USP34: variants seen among roughly 807,000 people sequenced by gnomAD.
USP34 encodes ubiquitin specific peptidase 34.
In USP34, 70 loss-of-function variants were observed where a neutral mutation model predicts 460.3. That is an observed-to-expected ratio of 0.15 (90% CI 0.13 to 0.19). The LOEUF (loss-of-function observed/expected upper bound fraction) is 0.19. Among genes scored for constraint, USP34 ranks in the 10% least tolerant of loss-of-function variants. USP34 has a pLI of 1.00. For missense variants in USP34, 3,985 were observed against 4,236.2 expected (o/e 0.94, Z 1.65); for synonymous variants, 1,647 against 1,405.3 (o/e 1.17, Z -3.85).
At chr2:61,304,496 G>A (rs949026890) in intron 27 of USP34, among the ~76,000 whole-genome samples, 1 of 152,184 alleles carries the variant, frequency 6.6e-6, no homozygotes, top group African/African-American at 2.4e-5. Context: ...TTGGAGGTGG[G>A]ACCTTTTGGA....
intron 1 of USP34, among the ~76,000 whole-genome samples, chr2:61,454,531 G>T (rs190189579): frequency 4.6e-5 from 7 of 152,008 alleles, no homozygotes. Flanking sequence ...TAAACAACAG[G>T]TCCCTGGTGA....
intron 1 of USP34, among the ~76,000 whole-genome samples, chr2:61,422,562 G>T (rs956962246): frequency 2.0e-5 from 3 of 152,148 alleles, no homozygotes; most frequent in African/African-American, 7.2e-5. Flanking sequence ...CTAAGATTAG[G>T]ACCAAGATAA....
At chr2:61,210,148 G>GACT (rs1558467719) in intron 69 of USP34, among the ~76,000 whole-genome samples, 1 of 152,064 alleles carries the variant, frequency 6.6e-6, no homozygotes, top group Non-Finnish European at 1.5e-5. Context: ...TGTAGCTTAA[G>GACT]TGTACAGTGT....
chr2:61,257,284 G>A lies in USP34; in HGVS notation c.5911C>T (p.Leu1971=), dbSNP rs780037418. The part of the protein sequence containing the change: ...CKTYTMDKQP[L]NTGEQKDMTE... The stretch of plus-strand genomic sequence containing the variant: ...ATATCTTTCTGTTCCCCAGTATTCA[G>A]AGGCTGCTTATCCATGGTGTATGTT... The change falls in exon 45 of 80, where the codon CTG becomes TTG. Residue 1971 remains leucine (L), a synonymous_variant. Transcript: ENST00000398571. The A allele has an allele frequency of 6.2e-7, 1 of 1,613,276 alleles. No individual in the cohort carries two copies. The highest frequency in any genetic ancestry group is 1.7e-5 in the Admixed American group (1 of 59,972).
In USP34 at chr2:61,326,536, T is replaced by A. The variant is rs534801514; in HGVS notation, c.2931-1079A>T. On this transcript the variant is annotated intron_variant, in intron 20 of 79. Coordinates refer to ENST00000398571, the MANE Select transcript of USP34 (RefSeq NM_014709.4). ...AGCATGACCGGCCCAGGTTTGCATT[T>A]TAAAAGGATTCCTTTCCTTTGGCAA... Among the ~76,000 whole-genome samples the A allele has an allele frequency of 1.3e-4, 20 of 152,218 alleles. No individual in the cohort carries two copies. In the South Asian group the frequency reaches 3.9e-3, roughly 30 times the overall value.
At position 61,461,811 on chromosome 2, in the gene USP34, G is replaced by A. The variant is rs575191360; in HGVS notation, c.43+8839C>T. Reference sequence around the variant, plus strand: ...ATATTTTTTGACACAGTAAACTCACGTCTAGAAATCTAAAAGAACCAGGGA... The same window carrying A: ...ATATTTTTTGACACAGTAAACTCACATCTAGAAATCTAAAAGAACCAGGGA... On this transcript the variant is annotated intron_variant, in intron 1 of 79. Transcript: ENST00000398571. Among the ~76,000 whole-genome samples, 152 of 152,154 alleles carry A rather than the reference G, an allele frequency of 1.0e-3. 1 individual carries two copies. The highest frequency in any genetic ancestry group is 1.9e-3 in the Non-Finnish European group (126 of 68,006).
intron 29 of USP34, among the ~76,000 whole-genome samples, chr2:61,297,308 C>A (rs1315280467): frequency 6.6e-6 from 1 of 152,176 alleles, no homozygotes; most frequent in Non-Finnish European, 1.5e-5. Flanking sequence ...GAATTAAATC[C>A]TTGAACTTCC....
chr2:61,193,365 T>TTAA (rs1394729207), intron 75 of USP34: 1 of 97,242 alleles, frequency 1.0e-5, no homozygotes, highest in African/African-American at 3.7e-5. Context: ...AGGGGAAAGG[T>TTAA]AAAAAAAAAA....
rs764476299 is a variant in USP34, at chr2:61,279,284, C to A, written c.5257-841G>T. Among the ~76,000 whole-genome samples, 9 of 152,172 alleles carry A rather than the reference C, an allele frequency of 5.9e-5. No individual in the cohort carries two copies. The East Asian group carries it at 1.3e-3, about 23-fold the overall frequency. On this transcript the variant is annotated intron_variant, in intron 39 of 79. Coordinates refer to ENST00000398571, the MANE Select transcript of USP34 (RefSeq NM_014709.4). ...ACAGAACTTTTAAATGTAAAGTGAACATATTGAACTTTGATTTAAATACAT... is the reference window on the plus strand; with the variant it reads ...ACAGAACTTTTAAATGTAAAGTGAAAATATTGAACTTTGATTTAAATACAT...
chr2:61,401,163 A>AT (rs1190282069), intron 3 of USP34, among the ~76,000 whole-genome samples: 20 of 151,612 alleles, frequency 1.3e-4, no homozygotes, highest in African/African-American at 4.6e-4. Context: ...AAAAAAAAAA[A>AT]AAAAAATTAA....
At chr2:61,300,611 C>G (rs1014176446) in intron 29 of USP34, among the ~76,000 whole-genome samples, 1 of 151,396 alleles carries the variant, frequency 6.6e-6, no homozygotes, top group Non-Finnish European at 1.5e-5. Flanking sequence ...GCCTGACCAA[C>G]ACAGTGAAAC....
chr2:61,452,318 CTTTTTTTTTTTT>C (rs35104375), intron 1 of USP34, among the ~76,000 whole-genome samples: 3 of 89,912 alleles, frequency 3.3e-5, no homozygotes, highest in South Asian at 4.8e-4. Context: ...ATTCCCGGCA[CTTTTTTTTTTTT>C]TTTTTTTTTT....
In USP34 at chr2:61,265,485, G is replaced by A; in HGVS notation, c.5690C>T (p.Thr1897Ile). 1 of 1,613,652 alleles carries A rather than the reference G, an allele frequency of 6.2e-7. No homozygotes were observed. Among genetic ancestry groups the A allele is most frequent in the East Asian group, 2.2e-5 (1 of 44,840 alleles). Residue 1897 changes from threonine (T) to isoleucine (I), a missense_variant, in exon 43 of 80, where the codon ACT becomes ATT. Around this residue, in one of 14 missense-constraint regions of USP34, gnomAD observed 145 missense variants for 291.6 expected, o/e 0.50. Coordinates refer to ENST00000398571, the MANE Select transcript of USP34 (RefSeq NM_014709.4). ...VRAECRFVGL[T>I]NLGATCYLAS... is the part of the protein sequence containing the mutation. Reference sequence around the variant, plus strand: ...TAAGTAACAAGTAGCTCCAAGGTTAGTAAGGCCAACAAATCTACATTCAGC... The same window carrying A: ...TAAGTAACAAGTAGCTCCAAGGTTAATAAGGCCAACAAATCTACATTCAGC...
At chr2:61,192,119 C>T (rs572147740) in intron 76 of USP34, among the ~76,000 whole-genome samples, 2 of 152,284 alleles carry the variant, frequency 1.3e-5, no homozygotes, top group African/African-American at 4.8e-5. Context: ...GAGGCTGAAC[C>T]AGACTCAAAA....
intron 2 of USP34, among the ~76,000 whole-genome samples, chr2:61,411,446 C>T (rs1694037404): frequency 6.6e-6 from 1 of 151,566 alleles, no homozygotes; most frequent in South Asian, 2.1e-4. Flanking sequence ...AAATGGTAAA[C>T]CTCCTCAAGT....
chr2:61,212,220 A>G (rs991938014), intron 68 of USP34, among the ~76,000 whole-genome samples: 9 of 152,210 alleles, frequency 5.9e-5, no homozygotes, highest in Non-Finnish European at 1.0e-4. Flanking sequence ...TAAAATACAA[A>G]TAATAACAAT....
At chr2:61,311,170 T>A (rs1355451689) in intron 27 of USP34, among the ~76,000 whole-genome samples, 2 of 152,148 alleles carry the variant, frequency 1.3e-5, no homozygotes, top group Admixed American at 1.3e-4. Context: ...GTTTTAGATG[T>A]GGGGTCTTTG....
At chr2:61,442,766 C>T (rs528891741) in intron 1 of USP34, among the ~76,000 whole-genome samples, 1 of 152,182 alleles carries the variant, frequency 6.6e-6, no homozygotes, top group South Asian at 2.1e-4. Context: ...GGCATTTATC[C>T]AAAGGAAAGG....
chr2:61,251,610 T>G (rs182089204), intron 48 of USP34, among the ~76,000 whole-genome samples: 1 of 152,328 alleles, frequency 6.6e-6, no homozygotes, highest in East Asian at 1.9e-4. Flanking sequence ...GCTCAGTATC[T>G]TTTTACTCTT....
Sources: gnomAD v4.1 joint callset for allele counts (sites outside exome capture counted in the v4.1 genomes callset) on GRCh38, gnomAD v4.1.1 for gene constraint, gnomAD v4.1.1 regional missense constraint, MANE v1.5 for transcripts, NCBI Gene and HGNC (gene_info 2026-07-23, HGNC 2026-07-21) for gene names.